Variants in RNLS observed in about 807,000 individuals in gnomAD.
The protein encoded by RNLS is renalase, FAD dependent amine oxidase, also known as renalase.
RNLS carries 39 observed loss-of-function variants against 39.8 expected under a neutral mutation model. The observed-to-expected ratio is 0.98, with a 90% CI of 0.76 to 1.28. The LOEUF is 1.28. Among genes scored for constraint, RNLS ranks in the 50% most tolerant of loss-of-function variants. RNLS has a pLI of 0.00. For missense variants in RNLS, 410 were observed against 413.3 expected (o/e 0.99, Z 0.07); for synonymous variants, 147 against 150.7 (o/e 0.98, Z 0.18).
At chr10:88,311,926 G>A (rs1308935461) in intron 6 of RNLS, among the ~76,000 whole-genome samples, 2 of 152,206 alleles carry the variant, frequency 1.3e-5, no homozygotes, top group Non-Finnish European at 2.9e-5. Context: ...GCAGATAGCA[G>A]GTGTTCCCTT....
At chr10:88,384,828 T>C (rs985543747) in intron 4 of RNLS, among the ~76,000 whole-genome samples, 5 of 152,228 alleles carry the variant, frequency 3.3e-5, no homozygotes, top group African/African-American at 1.2e-4. Context: ...GAACCTAATG[T>C]CTGATAAACA....
chr10:88,352,649 G>C (rs1317874306), intron 5 of RNLS, among the ~76,000 whole-genome samples: 4 of 152,196 alleles, frequency 2.6e-5, no homozygotes, highest in East Asian at 3.8e-4. Context: ...AGGGATATTG[G>C]CCTAAGGTTC....
chr10:88,520,263 G>T (rs947069914), intron 4 of RNLS, among the ~76,000 whole-genome samples: 4 of 151,986 alleles, frequency 2.6e-5, no homozygotes, highest in African/African-American at 9.7e-5. Context: ...TCCAGTACAT[G>T]AATCAAGTGA....
chr10:88,401,347 G>A (rs565381060), intron 4 of RNLS, among the ~76,000 whole-genome samples: 2 of 151,998 alleles, frequency 1.3e-5, no homozygotes, highest in South Asian at 2.1e-4. Context: ...GTTGAAATTC[G>A]GTCCTAGAAA....
At chr10:88,544,555 A>G (rs889816894) in intron 4 of RNLS, among the ~76,000 whole-genome samples, 1 of 152,346 alleles carries the variant, frequency 6.6e-6, no homozygotes, top group African/African-American at 2.4e-5. Context: ...CTATCAAACT[A>G]AAAGTTTTGA....
chr10:88,237,244 T>TCCCTC, the RNLS span, among the ~76,000 whole-genome samples: 2 of 69,084 alleles, frequency 2.9e-5, no homozygotes, highest in African/African-American at 1.2e-4. Context: ...CTCCCTCCCT[T>TCCCTC]CCTTCCTTCC....
chr10:88,467,904 A>T (rs991254277), intron 4 of RNLS, among the ~76,000 whole-genome samples: 1 of 152,190 alleles, frequency 6.6e-6, no homozygotes, highest in African/African-American at 2.4e-5. Flanking sequence ...TTTTAACAAG[A>T]TCTTCAGGAG....
intron 4 of RNLS, among the ~76,000 whole-genome samples, chr10:88,491,227 C>G (rs988392687): frequency 5.9e-5 from 9 of 152,160 alleles, no homozygotes; most frequent in African/African-American, 2.2e-4. Flanking sequence ...CAGTCTCACT[C>G]TTCTCTGACT....
At chr10:88,427,840 C>G (rs1184373670) in intron 4 of RNLS, among the ~76,000 whole-genome samples, 2 of 151,942 alleles carry the variant, frequency 1.3e-5, no homozygotes, top group Non-Finnish European at 1.5e-5. Context: ...GGCTTATGAT[C>G]TCACTTCATA....
chr10:88,400,676 A>G (rs1804696211), intron 4 of RNLS, among the ~76,000 whole-genome samples: 1 of 152,054 alleles, frequency 6.6e-6, no homozygotes, highest in South Asian at 2.1e-4. Flanking sequence ...GGGGCTTGAC[A>G]TATAAAATAC....
intron 4 of RNLS, among the ~76,000 whole-genome samples, chr10:88,370,896 T>C (rs1234027849): frequency 2.6e-5 from 4 of 152,188 alleles, no homozygotes; most frequent in African/African-American, 7.2e-5. Flanking sequence ...TTGGACTCTA[T>C]AGGTATAGAA....
intron 4 of RNLS, among the ~76,000 whole-genome samples, chr10:88,493,334 C>G (rs1165577018): frequency 6.6e-6 from 1 of 151,886 alleles, no homozygotes; most frequent in Non-Finnish European, 1.5e-5. Flanking sequence ...GAGGCTTAAG[C>G]AGATTATAAT....
intron 4 of RNLS, among the ~76,000 whole-genome samples, chr10:88,379,708 T>A (rs1851300738): frequency 6.6e-6 from 1 of 152,232 alleles, no homozygotes; most frequent in South Asian, 2.1e-4. Flanking sequence ...GGTCTGTGGT[T>A]AAGGCAGAAC....
intron 5 of RNLS, among the ~76,000 whole-genome samples, chr10:88,348,835 A>G (rs934599450): frequency 5.3e-5 from 8 of 152,178 alleles, no homozygotes; most frequent in African/African-American, 1.9e-4. Context: ...TTGAAAGCTC[A>G]TAATATTGTC....
chr10:88,264,687 G>A, the RNLS span, among the ~76,000 whole-genome samples: 2 of 152,106 alleles, frequency 1.3e-5, no homozygotes, highest in Admixed American at 6.6e-5. Flanking sequence ...GGGATTGTTT[G>A]TTTTATTCTT....
At chr10:88,324,004 G>C (rs952435745) in intron 5 of RNLS, among the ~76,000 whole-genome samples, 3 of 152,088 alleles carry the variant, frequency 2.0e-5, no homozygotes, top group Non-Finnish European at 4.4e-5. Flanking sequence ...CTAATCATCA[G>C]AGAAATGCAA....
In RNLS at chr10:88,294,742, A is replaced by G. The variant is rs1392515437; in HGVS notation, c.877-9236T>C. Among the ~76,000 whole-genome samples the G allele has an allele frequency of 3.3e-5, 5 of 152,294 alleles. No individual in the cohort carries two copies. The South Asian group carries it at 1.0e-3, about 32-fold the overall frequency. Reference sequence around the variant, plus strand: ...TTTCTGGTATCTATTACTCCACTGTATATGACTGGCATTGAATAAATATTT... The same window carrying G: ...TTTCTGGTATCTATTACTCCACTGTGTATGACTGGCATTGAATAAATATTT... On this transcript the variant is annotated intron_variant, in intron 6 of 6. Transcript: ENST00000331772.
chr10:88,468,622 C>G (rs1223586238), intron 4 of RNLS, among the ~76,000 whole-genome samples: 1 of 152,120 alleles, frequency 6.6e-6, no homozygotes, highest in Admixed American at 6.6e-5. Flanking sequence ...GCTGTAAGAG[C>G]TACTGGCTTC....
intron 6 of RNLS, 118 bp downstream of exon 6, chr10:88,314,348 C>T: frequency 9.3e-7 from 1 of 1,069,972 alleles, no homozygotes; most frequent in Non-Finnish European, 1.4e-6. Flanking sequence ...CATATTTGCT[C>T]CAAGGATCAC....
Sources: gnomAD v4.1 joint callset for allele counts (sites outside exome capture counted in the v4.1 genomes callset) on GRCh38, gnomAD v4.1.1 for gene constraint, MANE v1.5 for transcripts, NCBI Gene and HGNC (gene_info 2026-07-23, HGNC 2026-07-21) for gene names.